CEP192: variants seen among roughly 807,000 people sequenced by gnomAD.
CEP192 encodes the protein centrosomal protein of 192 kDa.
A neutral mutation model predicts 271.8 loss-of-function variants in CEP192; 151 were observed. The ratio of observed to expected loss-of-function variants is 0.56; its 90% CI spans 0.49 to 0.64. The LOEUF (loss-of-function observed/expected upper bound fraction) is 0.64. CEP192 is among the 30% of genes least tolerant of loss of function. CEP192 has a pLI of 0.00. For synonymous variants in CEP192, 995 were observed against 1,076.5 expected, an observed-to-expected ratio of 0.92 and a Z score of 1.48; for missense variants, 2,910 against 3,020.5, an observed-to-expected ratio of 0.96 and a Z score of 0.86.
At chr18:13,016,595 G>T (rs1342626990) in intron 6 of CEP192, among the ~76,000 whole-genome samples, 2 of 152,170 alleles carry the variant, frequency 1.3e-5, no homozygotes, top group Admixed American at 1.3e-4. Flanking sequence ...CTGGATTCTT[G>T]TAGACAGAAT....
chr18:13,067,368 C>T (rs1010423315), intron 21 of CEP192, among the ~76,000 whole-genome samples: 5 of 152,122 alleles, frequency 3.3e-5, no homozygotes, highest in South Asian at 2.1e-4. Context: ...GTTGGTTTCC[C>T]GCATTTAGGG....
chr18:13,100,584 TA>T (rs2039659003), intron 38 of CEP192, 72 bp downstream of exon 38: 8 of 1,208,160 alleles, frequency 6.6e-6, no homozygotes, highest in Non-Finnish European at 9.5e-6. Flanking sequence ...TTCTTAGCCA[TA>T]AGTTGGTGAT....
intron 19 of CEP192, 103 bp from the exon 20 acceptor site, chr18:13,057,482 G>A (rs1456307161): frequency 1.5e-6 from 2 of 1,329,364 alleles, no homozygotes; most frequent in African/African-American, 2.9e-5. Flanking sequence ...CTAGCTCTGT[G>A]TAAACAGGCC....
intron 30 of CEP192, among the ~76,000 whole-genome samples, chr18:13,076,108 A>G (rs1178148323): frequency 6.6e-6 from 1 of 152,248 alleles, no homozygotes; most frequent in Admixed American, 6.5e-5. Flanking sequence ...AGCCCAAGAC[A>G]GTTCCCACCA....
At chr18:13,087,430 G>A (rs1308850950) in intron 31 of CEP192, 101 bp from the exon 32 acceptor site, 3 of 905,080 alleles carry the variant, frequency 3.3e-6, no homozygotes, top group Non-Finnish European at 4.9e-6. Context: ...GTATGCACTT[G>A]TGTCTGTGTC....
chr18:13,018,070 G>T (rs925879771), intron 7 of CEP192, among the ~76,000 whole-genome samples: 2 of 152,112 alleles, frequency 1.3e-5, no homozygotes, highest in African/African-American at 4.8e-5. Context: ...AGTTTCTCAT[G>T]AATGGATTCA....
chr18:13,107,883 C>A (rs1432966665), intron 40 of CEP192, among the ~76,000 whole-genome samples: 98 of 130,850 alleles, frequency 7.5e-4, no homozygotes, highest in African/African-American at 1.6e-3. Flanking sequence ...ATAGTATCTC[C>A]AAAAAAAAAA....
intron 3 of CEP192, among the ~76,000 whole-genome samples, chr18:13,008,066 C>G (rs1412781914): frequency 2.0e-5 from 3 of 152,174 alleles, no homozygotes; most frequent in South Asian, 4.1e-4. Context: ...ACGATTGAAA[C>G]CTTTATTAAT....
In CEP192 at chr18:13,029,711, G is replaced by C; in HGVS notation, c.1099G>C (p.Val367Leu). The change falls in exon 10 of 45, where the codon GTG becomes CTG. Residue 367 changes from valine (V) to leucine (L), a missense_variant. By Grantham distance (32) the Val-to-Leu change is conservative. Coordinates refer to ENST00000506447, the MANE Select transcript of CEP192 (RefSeq NM_032142.4). ...VLVKTLRAID[V>L]KLNSDNFHDA... ...GGTGAAGACCCTCAGGGCTATTGATGTGAAACTTAACTCTGATAATTTTCA... is the reference window on the plus strand; with the variant it reads ...GGTGAAGACCCTCAGGGCTATTGATCTGAAACTTAACTCTGATAATTTTCA... The C allele has an allele frequency of 6.4e-7, 1 of 1,551,024 alleles. No homozygotes were observed. The highest frequency in any genetic ancestry group is 8.7e-7 in the Non-Finnish European group (1 of 1,146,532).
At chr18:13,006,041 T>A (rs1340664708) in intron 3 of CEP192, among the ~76,000 whole-genome samples, 1 of 152,196 alleles carries the variant, frequency 6.6e-6, no homozygotes, top group Non-Finnish European at 1.5e-5. Context: ...GAATTCTAAT[T>A]GGCATTGGTT....
At chr18:13,122,857 G>A (rs1365488482) in intron 44 of CEP192, among the ~76,000 whole-genome samples, 14 of 133,186 alleles carry the variant, frequency 1.1e-4, no homozygotes. Flanking sequence ...GTGTGTGTGT[G>A]TGTAGAGATT....
intron 4 of CEP192, among the ~76,000 whole-genome samples, chr18:13,010,445 G>T (rs2034272411): frequency 6.6e-6 from 1 of 152,042 alleles, no homozygotes; most frequent in Non-Finnish European, 1.5e-5. Context: ...TTATATATAT[G>T]AAAGAAAAGA....
chr18:13,007,221 C>A (rs2034038997), intron 3 of CEP192, among the ~76,000 whole-genome samples: 1 of 152,184 alleles, frequency 6.6e-6, no homozygotes, highest in Non-Finnish European at 1.5e-5. Context: ...CAGATTGCTT[C>A]ACTTTTATAG....
At position 13,000,091 on chromosome 18, in the gene CEP192, CTTTTTTTTT is replaced by C. The variant is rs775544715; in HGVS notation, c.164+522_164+530del. 1.1e-3 allele frequency among the ~76,000 whole-genome samples: 88 copies of C among 76,752 alleles called. 3 individuals carry two copies. The highest frequency in any genetic ancestry group is 2.2e-3 in the African/African-American group (52 of 23,500). The allele number at this position is 76,752 out of a possible 152,430, so 50.4% of individuals were successfully genotyped here. On this transcript the variant is annotated intron_variant, in intron 2 of 44. Transcript: ENST00000506447. Reference sequence around the variant, plus strand: ...CTCTGTATAACTCATTGTCTTCTCTCTTTTTTTTTTTTTTTTTTTTTTTTTTTGCTAATT... The same window carrying C: ...CTCTGTATAACTCATTGTCTTCTCTCTTTTTTTTTTTTTTTTTTGCTAATT...
chr18:13,087,714 G>T, intron 32 of CEP192, 68 bp downstream of exon 32: 1 of 719,100 alleles, frequency 1.4e-6, no homozygotes. Flanking sequence ...CTGTGGCTTG[G>T]GATTTGGAAT....
chr18:13,056,546 G>T lies in CEP192; in HGVS notation c.3956G>T (p.Gly1319Val). ...AVGICLGSNI[G>V]SGWMGTSSLC... ...GGAATTTGTCTAGGATCAAATATCG[G>T]CTCTGGATGGATGGGTACCTCTTCC... The change falls in exon 19 of 45, where the codon GGC becomes GTC. Residue 1319 changes from glycine to valine, a missense_variant. By Grantham distance (109) the Gly-to-Val change is moderately radical. Coordinates refer to ENST00000506447, the MANE Select transcript of CEP192 (RefSeq NM_032142.4). 6.2e-7 allele frequency: 1 copy of T among 1,614,168 alleles called. No homozygotes were observed.
chr18:13,055,667 CAA>C (rs963161912), intron 18 of CEP192, 111 bp from the exon 19 acceptor site: 17 of 692,864 alleles, frequency 2.5e-5, no homozygotes, highest in East Asian at 5.7e-5. Context: ...AATTTTTTTT[CAA>C]AGAGACACCT....
At chr18:13,073,465 T>A (rs2038117522) in intron 30 of CEP192, among the ~76,000 whole-genome samples, 1 of 152,252 alleles carries the variant, frequency 6.6e-6, no homozygotes, top group African/African-American at 2.4e-5. Flanking sequence ...GGAACACATC[T>A]TTGGGTAAAT....
intron 30 of CEP192, among the ~76,000 whole-genome samples, chr18:13,079,715 C>G (rs1402958018): frequency 6.6e-6 from 1 of 152,292 alleles, no homozygotes; most frequent in East Asian, 1.9e-4. Context: ...CTTGCCCATA[C>G]CTATGTCCTA....
Sources: allele counts gnomAD v4.1 joint callset (sites outside exome capture counted in the v4.1 genomes callset), GRCh38; gene constraint gnomAD v4.1.1; transcripts MANE v1.5; gene names NCBI Gene and HGNC (gene_info 2026-07-23, HGNC 2026-07-21).